Variants in PPP1R12B observed in about 807,000 individuals in gnomAD.
The protein encoded by PPP1R12B is protein phosphatase 1 regulatory subunit 12B.
Under a neutral mutation model 126.1 loss-of-function variants are expected in PPP1R12B, and 76 were observed. That is an observed-to-expected ratio of 0.60 (90% CI 0.50 to 0.73). PPP1R12B has a LOEUF of 0.73. Among genes scored for constraint, PPP1R12B ranks in the 30% least tolerant of loss-of-function variants. PPP1R12B has a pLI of 0.00. For synonymous variants in PPP1R12B, 356 were observed against 434.7 expected, an observed-to-expected ratio of 0.82 and a Z score of 2.25; for missense variants, 1,052 against 1,205.1, an observed-to-expected ratio of 0.87 and a Z score of 1.88.
chr1:202,484,735 T>C (rs2148826935), intron 13 of PPP1R12B, among the ~76,000 whole-genome samples: 1 of 152,182 alleles, frequency 6.6e-6, no homozygotes, highest in East Asian at 1.9e-4. Context: ...CCTTCATTGG[T>C]GGTTGATAGC....
rs1452505038 is a variant in PPP1R12B, at chr1:202,582,437, T to C, written c.*1877T>C. 1 of 152,662 alleles carries C rather than the reference T, an allele frequency of 6.6e-6. No homozygotes were observed. The highest frequency in any genetic ancestry group is 1.5e-5 in the Non-Finnish European group (1 of 68,042). The allele number at this position is 152,662 out of a possible 1,614,324, so 9.5% of individuals were successfully genotyped here. ...TGTGCAAGTCATTAAATCCTCATCA[T>C]TTTAGGGTTGCCAGTGATATTCAGT... On this transcript the variant is annotated 3_prime_UTR_variant, in exon 24 of 24. Coordinates refer to ENST00000608999, the MANE Select transcript of PPP1R12B (RefSeq NM_002481.4).
intron 1 of PPP1R12B, among the ~76,000 whole-genome samples, chr1:202,402,486 C>T (rs1665992795): frequency 6.6e-6 from 1 of 152,186 alleles, no homozygotes; most frequent in South Asian, 2.1e-4. Flanking sequence ...CAGGAAAAAA[C>T]CAAGTTGTTC....
At chr1:202,351,911 T>C (rs922313001) in intron 1 of PPP1R12B, among the ~76,000 whole-genome samples, 2 of 152,338 alleles carry the variant, frequency 1.3e-5, no homozygotes, top group Non-Finnish European at 2.9e-5. Flanking sequence ...ACCTTCTTTC[T>C]TGGCAGCCTT....
chr1:202,437,828 C>G lies in PPP1R12B; in HGVS notation c.1262C>G (p.Ser421Cys). 6.2e-7 allele frequency: 1 copy of G among 1,609,164 alleles called. No homozygotes were observed. The highest frequency in any genetic ancestry group is 8.5e-7 in the Non-Finnish European group (1 of 1,176,550). Residue 421 changes from serine to cysteine, a missense_variant, in exon 10 of 24, where the codon TCT becomes TGT. By Grantham distance (112) the Ser-to-Cys change is moderately radical. Coordinates refer to ENST00000608999, the MANE Select transcript of PPP1R12B (RefSeq NM_002481.4). Reference sequence around the variant, plus strand: ...TATTTGCTTCTCTCATAGTTCTCTTCTGGCCTTTTTAACAAGCCAGAAGAG... The same window carrying G: ...TATTTGCTTCTCTCATAGTTCTCTTGTGGCCTTTTTAACAAGCCAGAAGAG... ...FSASSARRFSSGLFNKPEEPK... is the reference protein window; with the variant it reads ...FSASSARRFSCGLFNKPEEPK...
At chr1:202,454,595 A>C (rs1397810761) in intron 13 of PPP1R12B, among the ~76,000 whole-genome samples, 1 of 152,212 alleles carries the variant, frequency 6.6e-6, no homozygotes, top group East Asian at 1.9e-4. Flanking sequence ...AAGAAGTAGT[A>C]TGAGTTGTTA....
At chr1:202,430,926 T>TAAACTTGTGGG (rs774939448) in intron 7 of PPP1R12B, 116 bp downstream of exon 7, 1 of 1,400,760 alleles carries the variant, frequency 7.1e-7, no homozygotes, top group Non-Finnish European at 9.4e-7. Context: ...GAGTGATCTA[T>TAAACTTGTGGG]AAACTTGTGG....
At chr1:202,575,115 C>A in intron 23 of PPP1R12B, 2 of 1,613,844 alleles carry the variant, frequency 1.2e-6, no homozygotes, top group Non-Finnish European at 1.7e-6. Context: ...CCATCGAGTC[C>A]TCGGACACCC....
At chr1:202,570,674 A>G (rs1167943261) in intron 23 of PPP1R12B, among the ~76,000 whole-genome samples, 1 of 152,172 alleles carries the variant, frequency 6.6e-6, no homozygotes, top group Non-Finnish European at 1.5e-5. Context: ...TAGAGCAGTG[A>G]GTTATTAGAG....
chr1:202,383,503 C>T (rs1662662918), intron 1 of PPP1R12B, among the ~76,000 whole-genome samples: 1 of 152,002 alleles, frequency 6.6e-6, no homozygotes, highest in Non-Finnish European at 1.5e-5. Context: ...GCAGGGAGAT[C>T]ACTTGAGATC....
At chr1:202,437,775 C>A in intron 9 of PPP1R12B, 46 bp from the exon 10 acceptor site, 1 of 1,516,578 alleles carries the variant, frequency 6.6e-7, no homozygotes, top group Non-Finnish European at 9.0e-7. Context: ...GAGAAAGAAT[C>A]ATCAGAGCCT....
At chr1:202,430,626 G>A in intron 6 of PPP1R12B, 105 bp from the exon 7 acceptor site, 1 of 1,220,022 alleles carries the variant, frequency 8.2e-7, no homozygotes, top group South Asian at 1.5e-5. Context: ...TTTGGTGTTG[G>A]TCCTATTTTC....
intron 1 of PPP1R12B, among the ~76,000 whole-genome samples, chr1:202,382,891 G>T (rs1443235897): frequency 6.6e-6 from 1 of 151,270 alleles, no homozygotes; most frequent in Non-Finnish European, 1.5e-5. Context: ...AAAAAAAAAG[G>T]TTGACTGTGA....
At chr1:202,389,558 G>A (rs1002730731) in intron 1 of PPP1R12B, among the ~76,000 whole-genome samples, 17 of 151,550 alleles carry the variant, frequency 1.1e-4, no homozygotes, top group Admixed American at 1.1e-3. Flanking sequence ...GCAGAACTGC[G>A]TGAACCCGGG....
rs531002259 is a variant in PPP1R12B, at chr1:202,410,192, T to C, written c.292-6595T>C. 2.6e-5 allele frequency: 4 copies of C among 152,348 alleles called. No individual in the cohort carries two copies. The East Asian group carries it at 7.7e-4, about 29-fold the overall frequency. The allele number at this position is 152,348 out of a possible 1,614,324, so 9.4% of individuals were successfully genotyped here. ...TCTGTATTGTTCCAATTTTAGTATA[T>C]GTACTGCTGAAGTAAGCATTGATTT... On this transcript the variant is annotated intron_variant, in intron 1 of 23. Transcript: ENST00000608999.
chr1:202,524,656 G>A (rs892491595), intron 18 of PPP1R12B, among the ~76,000 whole-genome samples: 21 of 152,032 alleles, frequency 1.4e-4, no homozygotes, highest in African/African-American at 5.1e-4. Context: ...TAGAATAATG[G>A]TCTCCAATTC....
At chr1:202,424,978 G>A (rs1443833126) in intron 3 of PPP1R12B, among the ~76,000 whole-genome samples, 2 of 152,120 alleles carry the variant, frequency 1.3e-5, no homozygotes, top group Admixed American at 1.3e-4. Flanking sequence ...AATTTTTAAA[G>A]TATATCAATA....
intron 1 of PPP1R12B, among the ~76,000 whole-genome samples, chr1:202,375,056 C>T (rs1477780709): frequency 1.3e-5 from 2 of 152,170 alleles, no homozygotes; most frequent in Non-Finnish European, 2.9e-5. Flanking sequence ...GATTCTCATG[C>T]CTCAGCCTCC....
At chr1:202,375,104 G>A (rs1170524411) in intron 1 of PPP1R12B, among the ~76,000 whole-genome samples, 3 of 151,928 alleles carry the variant, frequency 2.0e-5, no homozygotes, top group Admixed American at 1.3e-4. Flanking sequence ...CACCACGCCC[G>A]GCTAATTTTT....
chr1:202,378,909 C>G (rs1418389047), intron 1 of PPP1R12B, among the ~76,000 whole-genome samples: 1 of 152,148 alleles, frequency 6.6e-6, no homozygotes, highest in Non-Finnish European at 1.5e-5. Flanking sequence ...TTCTTACCTC[C>G]TGAATCACTC....
Sources: gnomAD v4.1 joint callset for allele counts (sites outside exome capture counted in the v4.1 genomes callset) on GRCh38, gnomAD v4.1.1 for gene constraint, MANE v1.5 for transcripts, NCBI Gene and HGNC (gene_info 2026-07-23, HGNC 2026-07-21) for gene names.